The following CDH12 variants were observed in gnomAD, a reference collection of about 807,000 sequenced individuals.
CDH12 encodes cadherin-12.
In CDH12, 41 loss-of-function variants were observed where a neutral mutation model predicts 74.1. That is an observed-to-expected ratio of 0.55 (90% CI 0.43 to 0.72). The LOEUF (loss-of-function observed/expected upper bound fraction) is 0.72, where lower values mean the gene tolerates loss of function less well. Among genes scored for constraint, CDH12 ranks in the 30% least tolerant of loss-of-function variants. The probability of loss-of-function intolerance (pLI) is 0.00; values close to 1 mark genes in which losing one functional copy is unlikely to be tolerated. For synonymous variants in CDH12, 399 were observed against 355.0 expected, an observed-to-expected ratio of 1.12 and a Z score of -1.39; for missense variants, 945 against 977.2, an observed-to-expected ratio of 0.97 and a Z score of 0.44.
intron 1 of CDH12, among the ~76,000 whole-genome samples, chr5:22,823,836 A>G (rs1282447834): frequency 2.0e-5 from 3 of 152,092 alleles, no homozygotes. Context: ...CATGATTGTA[A>G]GTTTTCTGAT....
At chr5:22,696,164 C>T (rs1015742052) in intron 1 of CDH12, among the ~76,000 whole-genome samples, 6 of 151,810 alleles carry the variant, frequency 4.0e-5, no homozygotes, top group African/African-American at 1.5e-4. Flanking sequence ...GTCAGGAGAT[C>T]GAGACCATCC....
At chr5:22,087,111 G>C (rs1441481557) in intron 4 of CDH12, among the ~76,000 whole-genome samples, 1 of 152,166 alleles carries the variant, frequency 6.6e-6, no homozygotes, top group African/African-American at 2.4e-5. Flanking sequence ...AAATGCAATG[G>C]AGGGGATCCT....
chr5:22,336,248 G>A (rs960434043), intron 3 of CDH12, among the ~76,000 whole-genome samples: 5 of 152,126 alleles, frequency 3.3e-5, no homozygotes, highest in African/African-American at 1.2e-4. Context: ...AGTTTTAAAA[G>A]GGAAACAGAG....
At chr5:22,632,393 A>G (rs1035149041) in intron 1 of CDH12, among the ~76,000 whole-genome samples, 1 of 152,234 alleles carries the variant, frequency 6.6e-6, no homozygotes, top group African/African-American at 2.4e-5. Flanking sequence ...AAAAGAACTG[A>G]AAAATTGTTT....
At chr5:21,982,642 C>T (rs1757358994) in intron 5 of CDH12, among the ~76,000 whole-genome samples, 1 of 151,564 alleles carries the variant, frequency 6.6e-6, no homozygotes, top group African/African-American at 2.4e-5. Flanking sequence ...ACTATATCTA[C>T]ATCTACATCT....
chr5:22,817,089 A>T (rs1173318077), intron 1 of CDH12, among the ~76,000 whole-genome samples: 7 of 152,108 alleles, frequency 4.6e-5, no homozygotes, highest in Non-Finnish European at 1.5e-5. Flanking sequence ...AGATAACGAA[A>T]ATGCTATTAC....
At chr5:21,973,483 C>G (rs1375681999) in intron 6 of CDH12, among the ~76,000 whole-genome samples, 6 of 152,150 alleles carry the variant, frequency 3.9e-5, no homozygotes, top group Non-Finnish European at 8.8e-5. Flanking sequence ...TCTGCAAACT[C>G]CTTACACGAA....
chr5:21,764,833 TTTAA>T lies in CDH12; in HGVS notation c.1515+141_1515+144del, dbSNP rs767196997. ...CATCTATATCATTAATTCACAAGAG[TTTAA>T]TTAATCTTTTATGGTTTCTTTTATG... On this transcript the variant is annotated intron_variant, in intron 12 of 14. Transcript: ENST00000382254. The T allele has an allele frequency of 5.3e-5, 40 of 751,468 alleles. No individual in the cohort carries two copies. In the East Asian group the frequency reaches 5.5e-4, roughly 10 times the overall value. 46.6% of individuals were successfully genotyped at this position (751,468 alleles called of 1,614,324 possible).
At chr5:22,462,252 CAAG>C (rs910110856) in intron 2 of CDH12, among the ~76,000 whole-genome samples, 1 of 152,024 alleles carries the variant, frequency 6.6e-6, no homozygotes, top group Admixed American at 6.6e-5. Flanking sequence ...TTGCCAGAAA[CAAG>C]GAGGGAATTA....
At chr5:21,793,447 A>G (rs182852170) in intron 10 of CDH12, among the ~76,000 whole-genome samples, 79 of 151,852 alleles carry the variant, frequency 5.2e-4, no homozygotes, top group Non-Finnish European at 8.3e-4. Context: ...GTCATATTTC[A>G]AACATGGAAT....
chr5:22,672,979 T>C (rs1056135283), intron 1 of CDH12, among the ~76,000 whole-genome samples: 5 of 152,176 alleles, frequency 3.3e-5, no homozygotes, highest in Admixed American at 1.3e-4. Flanking sequence ...AATTTCTTAA[T>C]TGCTGTAATC....
chr5:22,247,857 T>C lies in CDH12; in HGVS notation c.-332-35214A>G, dbSNP rs78217703. ...GTAAACATATCCAGTTCTAAACAAA[T>C]GCACAGAGGTATGTGGCCAGACATA... is the stretch of plus-strand genomic sequence containing the variant. On this transcript the variant is annotated intron_variant, in intron 3 of 14. Coordinates refer to ENST00000382254, the MANE Select transcript of CDH12 (RefSeq NM_004061.5). Among the ~76,000 whole-genome samples, 636 of 152,210 alleles carry C rather than the reference T, an allele frequency of 4.2e-3. 6 individuals are homozygous for C. Among genetic ancestry groups the C allele is most frequent in the African/African-American group, 0.015 (616 of 41,528 alleles).
At chr5:22,709,284 A>C (rs1743178441) in intron 1 of CDH12, among the ~76,000 whole-genome samples, 2 of 152,132 alleles carry the variant, frequency 1.3e-5, no homozygotes, top group Non-Finnish European at 2.9e-5. Flanking sequence ...GAAAAGCTAT[A>C]TTTGTTACAA....
intron 5 of CDH12, among the ~76,000 whole-genome samples, chr5:22,014,865 GA>G (rs1303609629): frequency 6.6e-6 from 1 of 151,810 alleles, no homozygotes; most frequent in Non-Finnish European, 1.5e-5. Flanking sequence ...AATTTCAGCC[GA>G]AAAAATAATA....
At chr5:22,260,136 G>C (rs562674681) in intron 3 of CDH12, among the ~76,000 whole-genome samples, 2 of 152,080 alleles carry the variant, frequency 1.3e-5, no homozygotes, top group South Asian at 4.2e-4. Flanking sequence ...CTAATAACCA[G>C]AACACAATGT....
chr5:21,880,599 CCTTCCTTCCTT>C, intron 6 of CDH12, among the ~76,000 whole-genome samples: 1 of 55,886 alleles, frequency 1.8e-5, no homozygotes, highest in African/African-American at 6.0e-5. Flanking sequence ...TTCCTTCCTT[CCTTCCTTCCTT>C]CCTTCCTTCT....
chr5:22,071,140 A>T (rs1054330342), intron 5 of CDH12, among the ~76,000 whole-genome samples: 3 of 152,144 alleles, frequency 2.0e-5, no homozygotes, highest in African/African-American at 7.2e-5. Flanking sequence ...AAATTAAATT[A>T]AATTTAAAAA....
intron 8 of CDH12, 136 bp downstream of exon 8, chr5:21,842,025 T>C (rs1250016231): frequency 2.9e-6 from 2 of 695,056 alleles, no homozygotes; most frequent in Non-Finnish European, 4.8e-6. Flanking sequence ...AAAAGATTTG[T>C]AATTTTTAAT....
At chr5:21,761,196 T>G (rs1427393953) in intron 12 of CDH12, among the ~76,000 whole-genome samples, 1 of 152,184 alleles carries the variant, frequency 6.6e-6, no homozygotes, top group Non-Finnish European at 1.5e-5. Flanking sequence ...TCGGTAGGAA[T>G]ACAAATTGTG....
Sources: gnomAD v4.1 joint callset for allele counts (sites outside exome capture counted in the v4.1 genomes callset) on GRCh38, gnomAD v4.1.1 for gene constraint, MANE v1.5 for transcripts, NCBI Gene and HGNC (gene_info 2026-07-23, HGNC 2026-07-21) for gene names.